The following RMND1 variants were observed in gnomAD, a reference collection of about 807,000 sequenced individuals.
RMND1 encodes the protein required for meiotic nuclear division protein 1 homolog.
In RMND1, 41 loss-of-function variants were observed where a neutral mutation model predicts 54.0. The observed-to-expected ratio is 0.76, with a 90% CI of 0.59 to 0.98. The LOEUF (loss-of-function observed/expected upper bound fraction) is 0.98. Ranked by LOEUF, RMND1 falls within the 50% of genes least tolerant of loss-of-function variation. The probability of loss-of-function intolerance (pLI) is 0.00; values close to 1 mark genes in which losing one functional copy is unlikely to be tolerated. For synonymous variants in RMND1, 183 were observed against 181.7 expected, an observed-to-expected ratio of 1.01 and a Z score of -0.06; for missense variants, 457 against 532.0, an observed-to-expected ratio of 0.86 and a Z score of 1.39.
chr6:151,427,926 G>A (rs1452638025), intron 5 of RMND1, among the ~76,000 whole-genome samples: 1 of 151,962 alleles, frequency 6.6e-6, no homozygotes, highest in Non-Finnish European at 1.5e-5. Flanking sequence ...GGATCCTTGA[G>A]CTCAAAAGTT....
At chr6:151,406,935 G>A (rs1779645173) in intron 10 of RMND1, among the ~76,000 whole-genome samples, 1 of 152,122 alleles carries the variant, frequency 6.6e-6, no homozygotes. Context: ...TGAGGCAGGA[G>A]GCGCACTTGA....
At position 151,416,865 on chromosome 6, in the gene RMND1, C is replaced by T. The variant is rs145300456; in HGVS notation, c.1200+414G>A. On this transcript the variant is annotated intron_variant, in intron 10 of 11. Transcript: ENST00000444024. ...ATTGTTTTTCCACCTTTCTACTTGT[C>T]ACCTCCAGGCAAACATCAGTCATCC... 735 of 154,430 alleles carry T rather than the reference C, an allele frequency of 4.8e-3. 5 individuals are homozygous for T. Among genetic ancestry groups the T allele is most frequent in the African/African-American group, 0.017 (705 of 41,584 alleles). The allele number at this position is 154,430 out of a possible 1,614,324, so 9.6% of individuals were successfully genotyped here. A position where few individuals can be genotyped will look rare whatever the true frequency, so the allele number is the denominator to read the frequency against.
chr6:151,442,739 C>T (rs1333359648), intron 2 of RMND1, among the ~76,000 whole-genome samples: 3 of 144,306 alleles, frequency 2.1e-5, no homozygotes, highest in South Asian at 2.2e-4. Flanking sequence ...GGGAGTCTTG[C>T]TATGTTGCCA....
At chr6:151,435,647 C>T (rs1246342629) in intron 3 of RMND1, among the ~76,000 whole-genome samples, 2 of 150,534 alleles carry the variant, frequency 1.3e-5, no homozygotes, top group Non-Finnish European at 3.0e-5. Flanking sequence ...CTCAAACTCC[C>T]AACCTCAGGT....
rs76733448 is a variant in RMND1, at chr6:151,425,425, C to CGT, written c.831-1796_831-1795dup. On this transcript the variant is annotated intron_variant, in intron 6 of 11. Coordinates refer to ENST00000444024, the MANE Select transcript of RMND1 (RefSeq NM_017909.4). ...TTACTCCTCACAGACTGTACAGTAA[C>CGT]GTGTGTGTGTGTGTGTGGATAAGCG... Among the ~76,000 whole-genome samples the CGT allele has an allele frequency of 3.7e-3, 556 of 150,746 alleles. 4 individuals carry two copies. The highest frequency in any genetic ancestry group is 7.6e-3 in the Admixed American group (115 of 15,166).
At chr6:151,414,555 A>T (rs1173672609) in intron 10 of RMND1, among the ~76,000 whole-genome samples, 2 of 152,196 alleles carry the variant, frequency 1.3e-5, no homozygotes. Context: ...TTCTGAACAC[A>T]TTTGAAACAA....
chr6:151,407,929 C>T (rs1003858419), intron 10 of RMND1, among the ~76,000 whole-genome samples: 1 of 151,916 alleles, frequency 6.6e-6, no homozygotes. Flanking sequence ...AAAAAAGTCA[C>T]TATTACCACA....
intron 10 of RMND1, chr6:151,413,764 T>C (rs762588057): frequency 6.6e-6 from 1 of 152,244 alleles, no homozygotes; most frequent in African/African-American, 2.4e-5. Context: ...ACACCTCTGT[T>C]ATCTAAAACT....
At chr6:151,415,965 A>T (rs929921750) in intron 10 of RMND1, among the ~76,000 whole-genome samples, 5 of 151,016 alleles carry the variant, frequency 3.3e-5, no homozygotes, top group African/African-American at 1.2e-4. Flanking sequence ...AAGTGATAAA[A>T]CAGTTTTGTG....
chr6:151,410,270 T>C (rs748827771), intron 10 of RMND1, among the ~76,000 whole-genome samples: 6 of 152,136 alleles, frequency 3.9e-5, no homozygotes, highest in Non-Finnish European at 7.4e-5. Flanking sequence ...TTAGCCAGGA[T>C]GGTCTGGATC....
At position 151,423,563 on chromosome 6, in the gene RMND1, A is replaced by G. The variant is rs1554344088; in HGVS notation, c.899T>C (p.Leu300Pro). The G allele has an allele frequency of 6.2e-7, 1 of 1,613,958 alleles. No homozygotes were observed. Among genetic ancestry groups the G allele is most frequent in the Non-Finnish European group, 8.5e-7 (1 of 1,179,830 alleles). The change falls in exon 7 of 12, where the codon CTA becomes CCA. Residue 300 changes from leucine to proline, a missense_variant. Transcript: ENST00000444024. ...AGCATTGGAGAAAGCAAACTTCTCT[A>G]GAATGGCATCATCTAAATCCAGCTC... ...NSELDLDDAI[L>P]EKFAFSNALC...
intron 6 of RMND1, among the ~76,000 whole-genome samples, chr6:151,424,193 G>A (rs1231785245): frequency 6.6e-6 from 1 of 151,166 alleles, no homozygotes; most frequent in African/African-American, 2.4e-5. Context: ...GGGCACGGTG[G>A]CTCACGCCTG....
intron 10 of RMND1, among the ~76,000 whole-genome samples, chr6:151,409,452 G>A (rs745832914): frequency 6.6e-6 from 1 of 152,154 alleles, no homozygotes; most frequent in South Asian, 2.1e-4. Context: ...CTGAAATAGA[G>A]AACTGAAAAG....
intron 3 of RMND1, among the ~76,000 whole-genome samples, chr6:151,435,005 C>T (rs558090729): frequency 3.6e-4 from 55 of 151,926 alleles, no homozygotes; most frequent in African/African-American, 1.2e-3. Flanking sequence ...CGTACCACCA[C>T]GCCCAGCTAA....
At chr6:151,416,103 C>T (rs1473786702) in intron 10 of RMND1, among the ~76,000 whole-genome samples, 5 of 151,912 alleles carry the variant, frequency 3.3e-5, no homozygotes, top group African/African-American at 9.6e-5. Context: ...CTCAGCCTCC[C>T]GAGTAGCTGG....
At chr6:151,445,864 A>G (rs1562801353) in intron 1 of RMND1, 39 bp from the exon 2 acceptor site, 2 of 1,461,682 alleles carry the variant, frequency 1.4e-6, no homozygotes, top group Admixed American at 5.1e-5. Context: ...TTTTTAAATT[A>G]ATGTTTAAAA....
intron 4 of RMND1, among the ~76,000 whole-genome samples, chr6:151,432,582 G>A (rs1270179610): frequency 6.6e-6 from 1 of 152,082 alleles, no homozygotes; most frequent in Non-Finnish European, 1.5e-5. Flanking sequence ...CTTCATCGGT[G>A]TGCTGAGGAT....
At chr6:151,409,961 T>G (rs1779757441) in intron 10 of RMND1, among the ~76,000 whole-genome samples, 1 of 152,176 alleles carries the variant, frequency 6.6e-6, no homozygotes, top group African/African-American at 2.4e-5. Context: ...TGTACTCAAC[T>G]TTTTAGCATG....
intron 1 of RMND1, among the ~76,000 whole-genome samples, chr6:151,447,333 T>C (rs1215349032): frequency 8.9e-6 from 1 of 112,140 alleles, no homozygotes; most frequent in Non-Finnish European, 1.8e-5. Context: ...TGAAACAAAT[T>C]TTTGGTGATG....
Sources: gnomAD v4.1 joint callset for allele counts (sites outside exome capture counted in the v4.1 genomes callset) on GRCh38, gnomAD v4.1.1 for gene constraint, MANE v1.5 for transcripts, NCBI Gene and HGNC (gene_info 2026-07-23, HGNC 2026-07-21) for gene names.